Variants in TOX3 observed in about 807,000 individuals in gnomAD.
The protein encoded by TOX3 is CAG trinucleotide repeat-containing gene F9 protein.
Under a neutral mutation model 64.3 loss-of-function variants are expected in TOX3, and 22 were observed. The ratio of observed to expected loss-of-function variants is 0.34; its 90% confidence interval spans 0.24 to 0.49. The LOEUF (loss-of-function observed/expected upper bound fraction) is 0.49, where lower values mean the gene tolerates loss of function less well. Among genes scored for constraint, TOX3 ranks in the 20% least tolerant of loss-of-function variants. The probability of loss-of-function intolerance (pLI) is 0.99; values close to 1 mark genes in which losing one functional copy is unlikely to be tolerated. For missense variants in TOX3, 661 were observed against 714.4 expected (o/e 0.93, Z 0.85); for synonymous variants, 291 against 273.6 (o/e 1.06, Z -0.63).
chr16:52,542,121 A>T (rs769090283), intron 1 of TOX3, among the ~76,000 whole-genome samples: 1 of 152,198 alleles, frequency 6.6e-6, no homozygotes, highest in Non-Finnish European at 1.5e-5. Context: ...GGGAGCTCAG[A>T]TCAATAGTGC....
chr16:52,448,080 A>T (rs1960218554), intron 4 of TOX3, among the ~76,000 whole-genome samples: 1 of 152,238 alleles, frequency 6.6e-6, no homozygotes, highest in African/African-American at 2.4e-5. Context: ...TTTTAAGAAT[A>T]AACAAGAAAT....
intron 1 of TOX3, among the ~76,000 whole-genome samples, chr16:52,509,567 T>A (rs1388272563): frequency 9.2e-5 from 14 of 152,208 alleles, no homozygotes; most frequent in Non-Finnish European, 1.8e-4. Context: ...GCTAGACAGC[T>A]TTTCTCTATC....
intron 1 of TOX3, among the ~76,000 whole-genome samples, chr16:52,474,654 A>G (rs780253920): frequency 2.0e-5 from 3 of 151,890 alleles, no homozygotes; most frequent in Non-Finnish European, 4.4e-5. Context: ...AAGAAAATGA[A>G]GGAAAGGAAG....
At chr16:52,486,866 G>T (rs1294328409) in intron 1 of TOX3, among the ~76,000 whole-genome samples, 2 of 152,122 alleles carry the variant, frequency 1.3e-5, no homozygotes, top group East Asian at 3.9e-4. Flanking sequence ...AGCCCTGGAA[G>T]TTGAGAGTGT....
At chr16:52,540,104 C>T (rs1053885559) in intron 1 of TOX3, among the ~76,000 whole-genome samples, 8 of 151,992 alleles carry the variant, frequency 5.3e-5, no homozygotes, top group African/African-American at 9.7e-5. Flanking sequence ...TCAGGCTGGG[C>T]GCAGTGGTTC....
At chr16:52,528,540 C>T (rs922324856) in intron 1 of TOX3, among the ~76,000 whole-genome samples, 3 of 152,014 alleles carry the variant, frequency 2.0e-5, no homozygotes, top group Admixed American at 1.3e-4. Flanking sequence ...CAGTTCAAAC[C>T]GGGCAGACTG....
chr16:52,502,403 A>G (rs886882473), intron 1 of TOX3, among the ~76,000 whole-genome samples: 4 of 152,262 alleles, frequency 2.6e-5, no homozygotes, highest in African/African-American at 9.6e-5. Flanking sequence ...CAAACCTACA[A>G]GAATGGGTCT....
At chr16:52,482,442 C>T (rs1376506447) in intron 1 of TOX3, among the ~76,000 whole-genome samples, 1 of 152,086 alleles carries the variant, frequency 6.6e-6, no homozygotes, top group African/African-American at 2.4e-5. Context: ...AGTGACTCAA[C>T]TGTATTTAGG....
intron 1 of TOX3, among the ~76,000 whole-genome samples, chr16:52,495,678 G>A (rs1030356337): frequency 1.4e-4 from 22 of 152,110 alleles, no homozygotes; most frequent in African/African-American, 5.3e-4. Flanking sequence ...TACCACCACG[G>A]TGTTAACACA....
chr16:52,454,495 A>G (rs1960455909), intron 3 of TOX3, among the ~76,000 whole-genome samples: 1 of 152,178 alleles, frequency 6.6e-6, no homozygotes, highest in South Asian at 2.1e-4. Flanking sequence ...ATCACCTCCT[A>G]TGAGTGAAGA....
rs560135200 is a variant in TOX3 at position 52,473,913 on chromosome 16, A to T, written c.88-5339T>A. On this transcript the variant is annotated intron_variant, in intron 1 of 6. Transcript: ENST00000219746. The stretch of plus-strand genomic sequence containing the variant: ...AAGCATATATGCACACAATTCTGCT[A>T]ATTATGTACATACAATTATATAGAT... Among the ~76,000 whole-genome samples the T allele has an allele frequency of 3.7e-3, 569 of 152,310 alleles. 6 individuals are homozygous for T. Among genetic ancestry groups the T allele is most frequent in the African/African-American group, 0.013 (534 of 41,578 alleles).
chr16:52,499,004 C>T (rs1266023857), intron 1 of TOX3, among the ~76,000 whole-genome samples: 2 of 152,188 alleles, frequency 1.3e-5, no homozygotes, highest in African/African-American at 4.8e-5. Flanking sequence ...ATCACATTAG[C>T]AGTTTTACAT....
intron 1 of TOX3, among the ~76,000 whole-genome samples, chr16:52,478,423 A>C (rs982176292): frequency 1.3e-5 from 2 of 152,214 alleles, no homozygotes; most frequent in Non-Finnish European, 2.9e-5. Context: ...CTCCCAGGTC[A>C]GCTTAGCTAA....
At chr16:52,498,620 A>G (rs1054653408) in intron 1 of TOX3, among the ~76,000 whole-genome samples, 1 of 152,174 alleles carries the variant, frequency 6.6e-6, no homozygotes, top group Non-Finnish European at 1.5e-5. Context: ...CTAACAACGT[A>G]GTCAAAATGT....
chr16:52,528,143 C>G (rs1962764135), intron 1 of TOX3, among the ~76,000 whole-genome samples: 1 of 152,172 alleles, frequency 6.6e-6, no homozygotes, highest in South Asian at 2.1e-4. Context: ...CTCCCAGAGT[C>G]TATGTTCAGC....
intron 1 of TOX3, among the ~76,000 whole-genome samples, chr16:52,472,187 C>A (rs1324105847): frequency 6.6e-6 from 1 of 152,134 alleles, no homozygotes; most frequent in Non-Finnish European, 1.5e-5. Flanking sequence ...CTTCATCCAA[C>A]AAATATTTAT....
At chr16:52,445,953 A>G (rs770609707) in intron 5 of TOX3, 41 bp downstream of exon 5, 2 of 1,564,766 alleles carry the variant, frequency 1.3e-6, no homozygotes, top group Non-Finnish European at 1.8e-6. Context: ...TTAAATGATC[A>G]TGAGGTTTAT....
intron 1 of TOX3, among the ~76,000 whole-genome samples, chr16:52,515,817 A>G (rs1407299471): frequency 1.3e-5 from 2 of 152,162 alleles, no homozygotes; most frequent in Non-Finnish European, 2.9e-5. Flanking sequence ...TTAGCTTTCT[A>G]TTTTCTCCAC....
chr16:52,511,654 C>T (rs1434764307), intron 1 of TOX3, among the ~76,000 whole-genome samples: 1 of 152,166 alleles, frequency 6.6e-6, no homozygotes, highest in Non-Finnish European at 1.5e-5. Context: ...AGGAAAGAAT[C>T]AGCATTTTTC....
Sources: gnomAD v4.1 joint callset for allele counts (sites outside exome capture counted in the v4.1 genomes callset) on GRCh38, gnomAD v4.1.1 for gene constraint, MANE v1.5 for transcripts, NCBI Gene and HGNC (gene_info 2026-07-23, HGNC 2026-07-21) for gene names.